Variants in FOXP2 observed in about 807,000 individuals in gnomAD.
FOXP2 encodes the protein forkhead box P2, also known as forkhead box protein P2.
FOXP2 carries 12 observed loss-of-function variants against 115.8 expected under a neutral mutation model. That is an observed-to-expected ratio of 0.10 (90% CI 0.07 to 0.17). The LOEUF (loss-of-function observed/expected upper bound fraction) is 0.17, where lower values mean the gene tolerates loss of function less well. FOXP2 is among the 10% of genes least tolerant of loss of function. The pLI is 1.00. For missense variants in FOXP2, 629 were observed against 843.5 expected (o/e 0.75, Z 3.15); for synonymous variants, 328 against 297.7 (o/e 1.10, Z -1.05).
intron 1 of FOXP2, among the ~76,000 whole-genome samples, chr7:114,118,185 G>A (rs1179705159): frequency 6.6e-6 from 1 of 151,900 alleles, no homozygotes; most frequent in Non-Finnish European, 1.5e-5. Flanking sequence ...GAACAATAAT[G>A]GCAAAAAAAG....
rs756489736 is a variant in FOXP2, at chr7:114,272,242, G to A, written c.-101-15777G>A. On this transcript the variant is annotated intron_variant, in intron 1 of 17. Coordinates refer to the FOXP2 transcript ENST00000634411. ...TACATTCCTGAGATAATCCCACTTG[G>A]TAATGGTATATAATTTTTACACAAT... 2.0e-5 allele frequency among the ~76,000 whole-genome samples: 3 copies of A among 150,722 alleles called. No individual in the cohort carries two copies. In the South Asian group the frequency reaches 6.2e-4, roughly 31 times the overall value.
chr7:114,683,601 T>G (rs896151552), intron 16 of FOXP2, among the ~76,000 whole-genome samples: 1 of 152,208 alleles, frequency 6.6e-6, no homozygotes, highest in African/African-American at 2.4e-5. Context: ...CAATGAAATG[T>G]GGACAGGTCG....
intron 3 of FOXP2, chr7:114,561,106 T>G (rs1800737388): frequency 6.6e-6 from 1 of 152,212 alleles, no homozygotes; most frequent in Non-Finnish European, 1.5e-5. Context: ...TTGGCCTAAC[T>G]TGTATCACCC....
intron 3 of FOXP2, among the ~76,000 whole-genome samples, chr7:114,564,462 A>G (rs556108390): frequency 1.8e-4 from 28 of 152,310 alleles, no homozygotes; most frequent in South Asian, 1.0e-3. Context: ...TTTATTCCCA[A>G]TTGAAACTCA....
intron 1 of FOXP2, among the ~76,000 whole-genome samples, chr7:114,124,175 G>A (rs1237850898): frequency 1.3e-5 from 2 of 151,944 alleles, no homozygotes; most frequent in Non-Finnish European, 2.9e-5. Flanking sequence ...TAGGAAGTAG[G>A]TAGTTTTATG....
intron 1 of FOXP2, among the ~76,000 whole-genome samples, chr7:114,423,046 C>T (rs937398921): frequency 3.3e-5 from 5 of 151,646 alleles, no homozygotes; most frequent in East Asian, 1.9e-4. Context: ...TGGTTGTGCA[C>T]GCTTTATTCA....
chr7:114,627,336 T>C (rs1254376129), intron 3 of FOXP2, among the ~76,000 whole-genome samples: 2 of 152,090 alleles, frequency 1.3e-5, no homozygotes, highest in Admixed American at 1.3e-4. Flanking sequence ...TAAAACAGTA[T>C]TTATATAAAT....
intron 2 of FOXP2, among the ~76,000 whole-genome samples, chr7:114,359,069 G>T (rs576587849): frequency 6.6e-6 from 1 of 152,112 alleles, no homozygotes; most frequent in Non-Finnish European, 1.5e-5. Flanking sequence ...AAGCCAGGAC[G>T]CCTAGGAGGA....
At chr7:114,667,838 A>G (rs1326129673) in intron 16 of FOXP2, 1 of 152,142 alleles carries the variant, frequency 6.6e-6, no homozygotes, top group African/African-American at 2.4e-5. Flanking sequence ...CATGTATAGG[A>G]GAATATTCTG....
intron 3 of FOXP2, among the ~76,000 whole-genome samples, chr7:114,554,562 T>C (rs1800367004): frequency 2.0e-5 from 3 of 152,128 alleles, no homozygotes; most frequent in African/African-American, 7.2e-5. Context: ...TTAGTATGTG[T>C]ATAATCATTA....
chr7:114,252,142 C>G (rs1377512274), intron 1 of FOXP2, among the ~76,000 whole-genome samples: 1 of 152,114 alleles, frequency 6.6e-6, no homozygotes, highest in Non-Finnish European at 1.5e-5. Flanking sequence ...GGATGAAGCT[C>G]TCTTGATCAT....
At chr7:114,215,882 A>G (rs1794473880) in intron 1 of FOXP2, among the ~76,000 whole-genome samples, 1 of 152,178 alleles carries the variant, frequency 6.6e-6, no homozygotes. Context: ...AGGCAGATAG[A>G]GTTCAAAATA....
At chr7:114,295,031 C>T (rs115821780) in intron 2 of FOXP2, among the ~76,000 whole-genome samples, 65 of 151,620 alleles carry the variant, frequency 4.3e-4, no homozygotes, top group African/African-American at 1.3e-3. Flanking sequence ...AAAAAGAAAA[C>T]GATAACTTGT....
intron 5 of FOXP2, chr7:114,631,191 G>A (rs1250831867): frequency 3.0e-6 from 1 of 330,572 alleles, no homozygotes; most frequent in East Asian, 6.5e-5. Context: ...CGTAGAAGTT[G>A]ACTATTTCTG....
At chr7:114,313,940 T>C (rs919566198) in intron 2 of FOXP2, among the ~76,000 whole-genome samples, 7 of 152,138 alleles carry the variant, frequency 4.6e-5, no homozygotes, top group African/African-American at 1.7e-4. Context: ...AAACTGAAAG[T>C]CTGGCTCCAT....
intron 2 of FOXP2, among the ~76,000 whole-genome samples, chr7:114,519,623 G>A (rs924891327): frequency 6.6e-6 from 1 of 152,070 alleles, no homozygotes; most frequent in African/African-American, 2.4e-5. Flanking sequence ...TGTAAATGAA[G>A]ATAATTACAA....
intron 2 of FOXP2, among the ~76,000 whole-genome samples, chr7:114,409,083 T>C (rs868601156): frequency 6.6e-6 from 1 of 152,166 alleles, no homozygotes; most frequent in African/African-American, 2.4e-5. Context: ...GAACTTCTGG[T>C]GCTAGTATTT....
chr7:114,642,657 A>G (rs1019979986), intron 7 of FOXP2, 34 bp downstream of exon 7: 9 of 1,582,764 alleles, frequency 5.7e-6, no homozygotes, highest in Non-Finnish European at 6.9e-6. Flanking sequence ...ATATTTATCT[A>G]TTTTCAGATT....
In FOXP2 at chr7:114,582,611, A is replaced by G. The variant is rs566257889; in HGVS notation, c.259-45929A>G. Among the ~76,000 whole-genome samples, 6 of 152,312 alleles carry G rather than the reference A, an allele frequency of 3.9e-5. No homozygotes were observed. In the South Asian group the frequency reaches 1.2e-3, roughly 32 times the overall value. On this transcript the variant is annotated intron_variant, in intron 3 of 16. Coordinates refer to ENST00000350908, the MANE Select transcript of FOXP2 (RefSeq NM_014491.4). ...GTAAGTGTTCTTTCCTTTTCCTCAG[A>G]GTTGATGGATTAGCATAAATCTAAA...
Sources: gnomAD v4.1 joint callset for allele counts (sites outside exome capture counted in the v4.1 genomes callset) on GRCh38, gnomAD v4.1.1 for gene constraint, MANE v1.5 for transcripts, NCBI Gene and HGNC (gene_info 2026-07-23, HGNC 2026-07-21) for gene names.